SLC24A2: variants seen among roughly 807,000 people sequenced by gnomAD.
SLC24A2 encodes the protein solute carrier family 24 member 2.
SLC24A2 carries 36 observed loss-of-function variants against 62.0 expected under a neutral mutation model. The ratio of observed to expected loss-of-function variants is 0.58; its 90% CI spans 0.44 to 0.77. SLC24A2 has a LOEUF of 0.77. SLC24A2 is among the 30% of genes least tolerant of loss of function. SLC24A2 has a pLI of 0.00. For synonymous variants in SLC24A2, 358 were observed against 294.0 expected (o/e 1.22, Z -2.23); for missense variants, 846 against 817.9 (o/e 1.03, Z -0.42).
chr9:20,236,652 T>G, the SLC24A2 span, among the ~76,000 whole-genome samples: 4 of 152,324 alleles, frequency 2.6e-5, no homozygotes, highest in East Asian at 1.9e-4. Context: ...TTTACAGTCA[T>G]GTACTCAGAA....
At chr9:20,074,764 G>C in the SLC24A2 span, among the ~76,000 whole-genome samples, 1 of 152,024 alleles carries the variant, frequency 6.6e-6, no homozygotes, top group Non-Finnish European at 1.5e-5. Flanking sequence ...CTATAGTGCT[G>C]TCAAGGATCT....
the SLC24A2 span, among the ~76,000 whole-genome samples, chr9:19,961,383 C>T: frequency 6.6e-6 from 1 of 152,124 alleles, no homozygotes; most frequent in African/African-American, 2.4e-5. Flanking sequence ...GACAGTATTT[C>T]CACAAAACCC....
intron 2 of SLC24A2, among the ~76,000 whole-genome samples, chr9:19,665,173 T>G (rs968841371): frequency 6.6e-6 from 1 of 152,158 alleles, no homozygotes; most frequent in Non-Finnish European, 1.5e-5. Context: ...ACCATCTATC[T>G]GAGGTGAGTT....
intron 8 of SLC24A2, among the ~76,000 whole-genome samples, chr9:19,546,769 G>T (rs890412192): frequency 6.6e-6 from 1 of 152,024 alleles, no homozygotes; most frequent in African/African-American, 2.4e-5. Context: ...CCTGCAGCTA[G>T]CTCAGGGTCT....
intron 2 of SLC24A2, among the ~76,000 whole-genome samples, chr9:19,676,696 A>G (rs1371711946): frequency 6.6e-6 from 1 of 152,190 alleles, no homozygotes; most frequent in African/African-American, 2.4e-5. Flanking sequence ...CTATCTGGCA[A>G]TCCCATTCCA....
At chr9:20,173,173 A>G in the SLC24A2 span, among the ~76,000 whole-genome samples, 3 of 152,034 alleles carry the variant, frequency 2.0e-5, no homozygotes, top group African/African-American at 7.2e-5. Context: ...CATACAAGGG[A>G]CATACCTCAA....
chr9:19,973,195 CA>C, the SLC24A2 span, among the ~76,000 whole-genome samples: 1 of 152,136 alleles, frequency 6.6e-6, no homozygotes, highest in African/African-American at 2.4e-5. Flanking sequence ...AAAACTAAAT[CA>C]AAATGATGCT....
intron 5 of SLC24A2, among the ~76,000 whole-genome samples, chr9:19,595,371 C>T (rs1231902619): frequency 1.3e-5 from 2 of 152,090 alleles, no homozygotes; most frequent in African/African-American, 2.4e-5. Context: ...CAGTTATTAC[C>T]CATCACTGTA....
At chr9:19,838,098 C>A in the SLC24A2 span, among the ~76,000 whole-genome samples, 1 of 151,840 alleles carries the variant, frequency 6.6e-6, no homozygotes, top group African/African-American at 2.4e-5. Context: ...CAAAAAAGAG[C>A]CCGCATTGCC....
At chr9:20,233,973 C>A in the SLC24A2 span, among the ~76,000 whole-genome samples, 1 of 152,180 alleles carries the variant, frequency 6.6e-6, no homozygotes, top group Admixed American at 6.5e-5. Flanking sequence ...TTTTATTTCT[C>A]CTTCACTTAC....
At chr9:20,045,787 A>T in the SLC24A2 span, among the ~76,000 whole-genome samples, 4 of 152,122 alleles carry the variant, frequency 2.6e-5, no homozygotes, top group Admixed American at 2.6e-4. Context: ...ATGCATGCTT[A>T]TATCATTCTC....
At chr9:20,145,360 C>G in the SLC24A2 span, among the ~76,000 whole-genome samples, 1 of 152,066 alleles carries the variant, frequency 6.6e-6, no homozygotes, top group South Asian at 2.1e-4. Context: ...CATCTCTTCA[C>G]TGTCTCTCCA....
At chr9:19,675,317 T>C (rs1376968279) in intron 2 of SLC24A2, among the ~76,000 whole-genome samples, 1 of 152,062 alleles carries the variant, frequency 6.6e-6, no homozygotes, top group Non-Finnish European at 1.5e-5. Flanking sequence ...ATTGCACTAG[T>C]TTTGTATTGG....
At chr9:19,745,924 C>T (rs1403669241) in intron 2 of SLC24A2, among the ~76,000 whole-genome samples, 12 of 152,084 alleles carry the variant, frequency 7.9e-5, no homozygotes, top group Admixed American at 7.2e-4. Flanking sequence ...AGTTTCCTGA[C>T]ATATCATAGC....
the SLC24A2 span, among the ~76,000 whole-genome samples, chr9:19,869,174 T>C: frequency 6.6e-6 from 1 of 151,934 alleles, no homozygotes; most frequent in Admixed American, 6.6e-5. Context: ...GGAGATGAGG[T>C]CTCCCTATGT....
rs1245713380 is a variant in SLC24A2 at position 19,541,904 on chromosome 9, C to T, written c.1479+8233G>A. Reference sequence around the variant, plus strand: ...CTGAGCCAGGTGTGGGATATAGTCTCCTGGTGCGCCGTTTTTCAAGCCGGT... The same window carrying T: ...CTGAGCCAGGTGTGGGATATAGTCTTCTGGTGCGCCGTTTTTCAAGCCGGT... On this transcript the variant is annotated intron_variant, in intron 8 of 10. Coordinates refer to ENST00000341998, the MANE Select transcript of SLC24A2 (RefSeq NM_020344.4). Among the ~76,000 whole-genome samples, 6 of 152,170 alleles carry T rather than the reference C, an allele frequency of 3.9e-5. 1 individual carries two copies. The highest frequency in any genetic ancestry group is 1.4e-4 in the African/African-American group (6 of 41,446).
At chr9:20,033,674 C>T in the SLC24A2 span, among the ~76,000 whole-genome samples, 1 of 152,166 alleles carries the variant, frequency 6.6e-6, no homozygotes, top group African/African-American at 2.4e-5. Flanking sequence ...ACACTCCCAC[C>T]AGTGCCCTGA....
chr9:20,043,374 T>G, the SLC24A2 span, among the ~76,000 whole-genome samples: 1 of 152,220 alleles, frequency 6.6e-6, no homozygotes, highest in African/African-American at 2.4e-5. Flanking sequence ...AATTTTGACT[T>G]TCAAGTCTCA....
the SLC24A2 span, among the ~76,000 whole-genome samples, chr9:19,975,662 C>T: frequency 6.6e-6 from 1 of 152,208 alleles, no homozygotes; most frequent in African/African-American, 2.4e-5. Context: ...TATTATGACA[C>T]ATATCCATTT....
Sources: allele counts gnomAD v4.1 joint callset (sites outside exome capture counted in the v4.1 genomes callset), GRCh38; gene constraint gnomAD v4.1.1; transcripts MANE v1.5; gene names NCBI Gene and HGNC (gene_info 2026-07-23, HGNC 2026-07-21).